Variants in ARHGAP10 observed in about 807,000 individuals in gnomAD.
ARHGAP10 encodes the protein Rho GTPase activating protein 10.
In ARHGAP10, 87 loss-of-function variants were observed where a neutral mutation model predicts 108.6. The ratio of observed to expected loss-of-function variants is 0.80; its 90% confidence interval spans 0.67 to 0.96. ARHGAP10 has a LOEUF of 0.96. ARHGAP10 is among the 40% of genes least tolerant of loss of function. The pLI, the probability that ARHGAP10 is intolerant of heterozygous loss-of-function variation, is 0.00. For synonymous variants in ARHGAP10, 347 were observed against 341.1 expected (o/e 1.02, Z -0.19); for missense variants, 939 against 954.5 (o/e 0.98, Z 0.21).
intron 10 of ARHGAP10, among the ~76,000 whole-genome samples, chr4:147,895,149 A>G (rs1372435005): frequency 2.6e-5 from 4 of 152,166 alleles, no homozygotes; most frequent in African/African-American, 7.2e-5. Context: ...TTTTCAGCAT[A>G]GAAGTCATGG....
rs569891533 is a variant in ARHGAP10, at chr4:147,795,458, G to A, written c.155-27269G>A. 7.9e-5 allele frequency among the ~76,000 whole-genome samples: 12 copies of A among 152,110 alleles called. No individual in the cohort carries two copies. In the South Asian group the frequency reaches 2.5e-3, roughly 32 times the overall value. On this transcript the variant is annotated intron_variant, in intron 1 of 22. Coordinates refer to ENST00000336498, the MANE Select transcript of ARHGAP10 (RefSeq NM_024605.4). ...GAGGGTTAGCTCTGCTCTTTGGCCT[G>A]CTAATGAGTCTTACAGGGTCTCTGT...
intron 13 of ARHGAP10, among the ~76,000 whole-genome samples, chr4:147,927,717 G>T (rs924315577): frequency 1.4e-4 from 22 of 152,180 alleles, no homozygotes; most frequent in African/African-American, 5.1e-4. Flanking sequence ...GGAAGAGTTG[G>T]TGGACAGTGC....
chr4:147,886,805 C>G (rs1035968693), intron 10 of ARHGAP10, among the ~76,000 whole-genome samples: 2 of 152,196 alleles, frequency 1.3e-5, no homozygotes, highest in Non-Finnish European at 2.9e-5. Flanking sequence ...GAGTCTCGCT[C>G]TGTCACCCAG....
In ARHGAP10 at chr4:147,753,966, A is replaced by G. The variant is rs1200980538; in HGVS notation, c.154+21511A>G. On this transcript the variant is annotated intron_variant, in intron 1 of 22. Transcript: ENST00000336498. Reference sequence around the variant, plus strand: ...AGTTTGGGGCTTCCATTCATCTGCTACTACTCGTTCTAAGAAAGACCTAAC... The same window carrying G: ...AGTTTGGGGCTTCCATTCATCTGCTGCTACTCGTTCTAAGAAAGACCTAAC... Among the ~76,000 whole-genome samples, 8 of 152,292 alleles carry G rather than the reference A, an allele frequency of 5.3e-5. No homozygotes were observed. The East Asian group carries it at 1.5e-3, about 29-fold the overall frequency.
intron 1 of ARHGAP10, among the ~76,000 whole-genome samples, chr4:147,761,141 C>G (rs1002226500): frequency 1.1e-4 from 16 of 151,826 alleles, no homozygotes; most frequent in South Asian, 8.3e-4. Flanking sequence ...CTCAGCCTCC[C>G]GAGTAGTTGG....
chr4:148,001,998 C>T (rs1297996929), intron 18 of ARHGAP10, among the ~76,000 whole-genome samples: 1 of 152,144 alleles, frequency 6.6e-6, no homozygotes, highest in Admixed American at 6.5e-5. Flanking sequence ...TGCCAGTTTT[C>T]AAAGGGAATG....
intron 22 of ARHGAP10, among the ~76,000 whole-genome samples, chr4:148,070,417 A>G (rs963785067): frequency 4.6e-5 from 7 of 152,222 alleles, no homozygotes; most frequent in East Asian, 1.9e-4. Flanking sequence ...TAGTCTGCAG[A>G]CAGCCGGAAT....
At chr4:147,956,497 G>T (rs1738790986) in intron 16 of ARHGAP10, among the ~76,000 whole-genome samples, 1 of 152,130 alleles carries the variant, frequency 6.6e-6, no homozygotes, top group African/African-American at 2.4e-5. Flanking sequence ...TTAAAAAAGA[G>T]AATTTGTGAG....
intron 18 of ARHGAP10, among the ~76,000 whole-genome samples, chr4:147,999,127 G>T (rs1165704183): frequency 1.3e-5 from 2 of 152,216 alleles, no homozygotes; most frequent in African/African-American, 4.8e-5. Flanking sequence ...CTGGGAAGGT[G>T]AGGGCATTGA....
intron 19 of ARHGAP10, among the ~76,000 whole-genome samples, chr4:148,029,511 T>C (rs1291495736): frequency 6.6e-6 from 1 of 152,232 alleles, no homozygotes; most frequent in African/African-American, 2.4e-5. Flanking sequence ...TGGAAAACCA[T>C]TGTTGGCATG....
At chr4:147,950,530 A>C (rs1056728172) in intron 15 of ARHGAP10, among the ~76,000 whole-genome samples, 1 of 152,210 alleles carries the variant, frequency 6.6e-6, no homozygotes, top group African/African-American at 2.4e-5. Flanking sequence ...TCTCACTGCA[A>C]ATAACCCAGC....
chr4:148,000,686 A>G (rs1740680857), intron 18 of ARHGAP10, among the ~76,000 whole-genome samples: 1 of 152,172 alleles, frequency 6.6e-6, no homozygotes, highest in Admixed American at 6.5e-5. Flanking sequence ...AGTGATGATG[A>G]GCATTTTTTC....
chr4:147,794,865 G>C (rs1240650163), intron 1 of ARHGAP10, among the ~76,000 whole-genome samples: 1 of 152,178 alleles, frequency 6.6e-6, no homozygotes. Flanking sequence ...GTATAGGACA[G>C]TGTAACCAGT....
At chr4:147,998,812 A>G (rs1269398424) in intron 18 of ARHGAP10, among the ~76,000 whole-genome samples, 1 of 152,242 alleles carries the variant, frequency 6.6e-6, no homozygotes, top group Admixed American at 6.5e-5. Context: ...TACTTCCTAA[A>G]TATATCTTAA....
At chr4:148,053,752 C>T (rs562625374) in intron 20 of ARHGAP10, among the ~76,000 whole-genome samples, 13 of 152,224 alleles carry the variant, frequency 8.5e-5, no homozygotes, top group South Asian at 4.1e-4. Flanking sequence ...TATGCTATGC[C>T]GACTGCCTGG....
At chr4:147,987,159 C>A (rs575288913) in intron 18 of ARHGAP10, among the ~76,000 whole-genome samples, 60 of 152,264 alleles carry the variant, frequency 3.9e-4, no homozygotes, top group African/African-American at 1.3e-3. Flanking sequence ...ATATGAAAAA[C>A]TAACTTTTCT....
intron 16 of ARHGAP10, among the ~76,000 whole-genome samples, chr4:147,958,981 GTAT>G (rs1419077024): frequency 6.6e-6 from 1 of 151,888 alleles, no homozygotes. Flanking sequence ...CAAGAATTTG[GTAT>G]TATGATTAAT....
At chr4:147,897,196 T>C (rs1237435413) in intron 10 of ARHGAP10, among the ~76,000 whole-genome samples, 1 of 151,772 alleles carries the variant, frequency 6.6e-6, no homozygotes, top group Admixed American at 6.6e-5. Flanking sequence ...GAGTTCTGTT[T>C]TTAAAAAAAT....
intron 13 of ARHGAP10, among the ~76,000 whole-genome samples, chr4:147,915,084 C>G (rs1295561181): frequency 2.0e-5 from 3 of 152,154 alleles, no homozygotes; most frequent in Non-Finnish European, 4.4e-5. Flanking sequence ...CCTTCACATT[C>G]TCTCTCCAAA....
Sources: allele counts gnomAD v4.1 joint callset (sites outside exome capture counted in the v4.1 genomes callset), GRCh38; gene constraint gnomAD v4.1.1; transcripts MANE v1.5; gene names NCBI Gene and HGNC (gene_info 2026-07-23, HGNC 2026-07-21).